The following DDX10 variants were observed in gnomAD, a reference collection of about 807,000 sequenced individuals.
The protein encoded by DDX10 is DEAD-box helicase 10, also known as probable ATP-dependent RNA helicase DDX10.
DDX10 carries 74 observed loss-of-function variants against 104.3 expected under a neutral mutation model. That is an observed-to-expected ratio of 0.71 (90% confidence interval 0.59 to 0.86). The LOEUF is 0.86. Ranked by LOEUF, DDX10 falls within the 40% of genes least tolerant of loss-of-function variation. The pLI, the probability that DDX10 is intolerant of heterozygous loss-of-function variation, is 0.00. For synonymous variants in DDX10, 351 were observed against 353.4 expected (o/e 0.99, Z 0.08); for missense variants, 952 against 1,040.0 (o/e 0.92, Z 1.16).
chr11:108,831,898 ATC>A (rs1174315455), intron 13 of DDX10, among the ~76,000 whole-genome samples: 1 of 152,146 alleles, frequency 6.6e-6, no homozygotes. Context: ...TTCTACACCT[ATC>A]ATAGGACACT....
intron 16 of DDX10, among the ~76,000 whole-genome samples, chr11:108,901,475 G>C (rs1420560995): frequency 6.6e-6 from 1 of 152,188 alleles, no homozygotes; most frequent in Non-Finnish European, 1.5e-5. Flanking sequence ...ACTGTGAGCA[G>C]TATATATGAG....
intron 17 of DDX10, among the ~76,000 whole-genome samples, chr11:108,938,710 C>G (rs917942252): frequency 6.6e-6 from 1 of 152,104 alleles, no homozygotes; most frequent in Non-Finnish European, 1.5e-5. Context: ...TTTAAAGAAC[C>G]TCATAGTGCC....
chr11:108,714,974 A>G (rs1449721046), intron 10 of DDX10, among the ~76,000 whole-genome samples: 2 of 151,866 alleles, frequency 1.3e-5, no homozygotes, highest in African/African-American at 4.8e-5. Context: ...ACCTATCACC[A>G]TTCTGGCTTT....
chr11:108,824,170 G>A (rs1338767268), intron 13 of DDX10, among the ~76,000 whole-genome samples: 1 of 152,134 alleles, frequency 6.6e-6, no homozygotes, highest in Admixed American at 6.5e-5. Context: ...AGCCTCCCCA[G>A]TAGCTGGGAT....
chr11:108,746,775 G>T (rs2094332373), intron 13 of DDX10, among the ~76,000 whole-genome samples: 1 of 151,938 alleles, frequency 6.6e-6, no homozygotes, highest in South Asian at 2.1e-4. Context: ...TATCTTTATG[G>T]TTCTGATTTG....
chr11:108,905,939 G>A (rs1863590590), intron 16 of DDX10, among the ~76,000 whole-genome samples: 1 of 152,078 alleles, frequency 6.6e-6, no homozygotes, highest in Admixed American at 6.5e-5. Flanking sequence ...CAGTACCAAG[G>A]GGATGGTACT....
chr11:108,868,220 T>C (rs1386379867), intron 16 of DDX10: 1 of 152,074 alleles, frequency 6.6e-6, no homozygotes, highest in Non-Finnish European at 1.5e-5. Context: ...TGAAATACTG[T>C]TTGTGTTATC....
intron 6 of DDX10, among the ~76,000 whole-genome samples, chr11:108,680,535 T>A (rs1324988852): frequency 6.6e-6 from 1 of 152,230 alleles, no homozygotes; most frequent in Non-Finnish European, 1.5e-5. Flanking sequence ...TGTTTTAAGT[T>A]GTATTTTCAT....
At chr11:108,854,959 T>C (rs972984412) in intron 16 of DDX10, among the ~76,000 whole-genome samples, 5 of 35,668 alleles carry the variant, frequency 1.4e-4, no homozygotes, top group Non-Finnish European at 2.7e-4. Flanking sequence ...AAAAGATAGA[T>C]CTAAGTTCTG....
At chr11:108,748,179 A>G (rs1339684939) in intron 13 of DDX10, among the ~76,000 whole-genome samples, 2 of 152,310 alleles carry the variant, frequency 1.3e-5, no homozygotes, top group Non-Finnish European at 1.5e-5. Flanking sequence ...CCACAGCCAC[A>G]GGGTGGAAGG....
intron 13 of DDX10, among the ~76,000 whole-genome samples, chr11:108,725,455 G>A (rs1183764857): frequency 6.6e-6 from 1 of 152,038 alleles, no homozygotes; most frequent in African/African-American, 2.4e-5. Flanking sequence ...AGTTCGAGTT[G>A]CATCCCATCG....
chr11:108,731,163 G>A (rs1427889695), intron 13 of DDX10, among the ~76,000 whole-genome samples: 3 of 151,270 alleles, frequency 2.0e-5, no homozygotes, highest in Non-Finnish European at 1.5e-5. Context: ...TGATTATCCT[G>A]CCTCAGCCTC....
chr11:108,894,400 G>T (rs1347762628), intron 16 of DDX10, among the ~76,000 whole-genome samples: 1 of 151,952 alleles, frequency 6.6e-6, no homozygotes, highest in East Asian at 1.9e-4. Context: ...ATTAAAAGAT[G>T]TGTTTATACA....
intron 13 of DDX10, among the ~76,000 whole-genome samples, chr11:108,743,166 A>C (rs996023193): frequency 1.3e-5 from 2 of 152,176 alleles, no homozygotes; most frequent in Non-Finnish European, 2.9e-5. Flanking sequence ...TGGCACATCC[A>C]AAAGCAGATC....
chr11:108,902,443 A>G (rs1006665044), intron 16 of DDX10, among the ~76,000 whole-genome samples: 3 of 152,198 alleles, frequency 2.0e-5, no homozygotes, highest in Non-Finnish European at 4.4e-5. Flanking sequence ...AGTCAAACGT[A>G]CTGGGATTTC....
At chr11:108,679,965 G>C (rs1245682445) in intron 6 of DDX10, among the ~76,000 whole-genome samples, 2 of 152,204 alleles carry the variant, frequency 1.3e-5, no homozygotes, top group African/African-American at 2.4e-5. Context: ...GTGGGAGGGA[G>C]GTGGATGTAG....
chr11:108,825,736 A>T (rs879893740), intron 13 of DDX10, among the ~76,000 whole-genome samples: 25 of 152,214 alleles, frequency 1.6e-4, no homozygotes, highest in Non-Finnish European at 1.0e-4. Context: ...CACATTATAG[A>T]TTAGGATTAC....
chr11:108,694,047 A>AT (rs1363021541), intron 9 of DDX10, among the ~76,000 whole-genome samples: 2 of 152,214 alleles, frequency 1.3e-5, no homozygotes, highest in Non-Finnish European at 2.9e-5. Flanking sequence ...AAGCGTGCAT[A>AT]TGCTGGACAA....
intron 16 of DDX10, among the ~76,000 whole-genome samples, chr11:108,868,966 C>CTTTT (rs36048300): frequency 7.3e-6 from 1 of 137,108 alleles, no homozygotes; most frequent in East Asian, 2.1e-4. Context: ...AAGAATTAAG[C>CTTTT]TTTTTTTTTT....
Sources: allele counts gnomAD v4.1 joint callset (sites outside exome capture counted in the v4.1 genomes callset), GRCh38; gene constraint gnomAD v4.1.1; transcripts MANE v1.5; gene names NCBI Gene and HGNC (gene_info 2026-07-23, HGNC 2026-07-21).